The following PDE10A variants were observed in gnomAD, a reference collection of about 807,000 sequenced individuals.
PDE10A encodes cAMP and cAMP-inhibited cGMP 3',5'-cyclic phosphodiesterase 10A.
A neutral mutation model predicts 97.7 loss-of-function variants in PDE10A; 39 were observed. That is an observed-to-expected ratio of 0.40 (90% CI 0.31 to 0.52). PDE10A has a LOEUF of 0.52. Among genes scored for constraint, PDE10A ranks in the 20% least tolerant of loss-of-function variants. PDE10A has a pLI of 0.56. For missense variants in PDE10A, 731 were observed against 1,047.8 expected (o/e 0.70, Z 4.17); for synonymous variants, 371 against 376.8 (o/e 0.98, Z 0.18).
intron 1 of PDE10A, among the ~76,000 whole-genome samples, chr6:165,611,057 AAT>A (rs1175285016): frequency 1.3e-5 from 2 of 151,686 alleles, no homozygotes; most frequent in South Asian, 2.1e-4. Flanking sequence ...TCTCTCTCAA[AAT>A]AGTGTTTCTT....
intron 18 of PDE10A, among the ~76,000 whole-genome samples, chr6:165,345,659 C>T (rs1782260254): frequency 6.6e-6 from 1 of 152,144 alleles, no homozygotes; most frequent in African/African-American, 2.4e-5. Context: ...AGGAGGAGCC[C>T]AACACAATGC....
At chr6:165,679,504 C>A (rs374475988) in intron 1 of PDE10A, among the ~76,000 whole-genome samples, 3 of 152,164 alleles carry the variant, frequency 2.0e-5, no homozygotes, top group Non-Finnish European at 4.4e-5. Context: ...GGTGTGGCAC[C>A]GCCCCCTCCT....
At chr6:165,773,211 C>G (rs1342993850) in intron 1 of PDE10A, 20 of 152,166 alleles carry the variant, frequency 1.3e-4, no homozygotes, top group Admixed American at 1.3e-3. Flanking sequence ...TGTCATTTCT[C>G]TTGTTTACTT....
intron 1 of PDE10A, among the ~76,000 whole-genome samples, chr6:165,911,984 AATAT>A (rs138188072): frequency 6.8e-6 from 1 of 147,998 alleles, no homozygotes; most frequent in Non-Finnish European, 1.5e-5. Context: ...GGGAAGTCTA[AATAT>A]ATATATATAT....
At position 165,907,181 on chromosome 6, in the gene PDE10A, T is replaced by C. The variant is rs200312640; in HGVS notation, c.-615+80348A>G. Among the ~76,000 whole-genome samples the C allele has an allele frequency of 2.5e-4, 38 of 152,368 alleles. No homozygotes were observed. In the East Asian group the frequency reaches 5.8e-3, roughly 23 times the overall value. ...ATGGTGATGGGGCCAAAACCCTGGC[T>C]GCAAGGCACAAGGCTCCATCGCCCA... is the stretch of plus-strand genomic sequence containing the variant. On this transcript the variant is annotated intron_variant, in intron 1 of 19. Transcript: ENST00000366882.
At chr6:165,821,587 C>T (rs9356394) in intron 1 of PDE10A, among the ~76,000 whole-genome samples, 33,019 of 151,978 alleles carry the variant, frequency 0.22, 3,975 homozygotes, top group Middle Eastern at 0.31. Context: ...TGCGTGATCT[C>T]AGCTCACTAC....
chr6:165,505,817 T>A (rs1328854140), intron 2 of PDE10A, among the ~76,000 whole-genome samples: 1 of 152,222 alleles, frequency 6.6e-6, no homozygotes, highest in South Asian at 2.1e-4. Context: ...TTCACCATGA[T>A]CAGGCTACAG....
intron 1 of PDE10A, among the ~76,000 whole-genome samples, chr6:165,843,670 C>T (rs1780323866): frequency 6.6e-6 from 1 of 152,194 alleles, no homozygotes; most frequent in South Asian, 2.1e-4. Context: ...CCACCTCTTC[C>T]TATCACCACA....
intron 2 of PDE10A, among the ~76,000 whole-genome samples, chr6:165,483,320 A>C (rs909788659): frequency 6.6e-6 from 1 of 152,224 alleles, no homozygotes; most frequent in Non-Finnish European, 1.5e-5. Flanking sequence ...CAGGTATTCA[A>C]ATCAACAGTA....
At chr6:165,877,547 A>G in intron 1 of PDE10A, among the ~76,000 whole-genome samples, 1 of 152,210 alleles carries the variant, frequency 6.6e-6, no homozygotes, top group Middle Eastern at 3.2e-3. Context: ...AGATACACAT[A>G]TATATACAAC....
chr6:165,342,853 G>GGC (rs1782054723), intron 19 of PDE10A, among the ~76,000 whole-genome samples: 1 of 152,180 alleles, frequency 6.6e-6, no homozygotes, highest in Admixed American at 6.5e-5. Context: ...GTCAAGAAAA[G>GGC]GCGTTAATAA....
intron 1 of PDE10A, among the ~76,000 whole-genome samples, chr6:165,767,023 C>G (rs1180437075): frequency 1.3e-5 from 2 of 152,214 alleles, no homozygotes; most frequent in African/African-American, 4.8e-5. Context: ...CTTGACTTCT[C>G]ATTTATACCT....
intron 2 of PDE10A, among the ~76,000 whole-genome samples, chr6:165,494,457 G>GT (rs1192426786): frequency 8.0e-6 from 1 of 124,552 alleles, no homozygotes; most frequent in Admixed American, 7.2e-5. Context: ...AGAAAATGTG[G>GT]GGGGGGGTGT....
chr6:165,891,972 G>T (rs1433978754), intron 1 of PDE10A, among the ~76,000 whole-genome samples: 2 of 149,812 alleles, frequency 1.3e-5, no homozygotes, highest in Non-Finnish European at 3.0e-5. Context: ...TTAATGTGAT[G>T]AAGTTTTGCA....
intron 1 of PDE10A, among the ~76,000 whole-genome samples, chr6:165,572,599 A>C (rs1785100274): frequency 6.6e-6 from 1 of 152,244 alleles, no homozygotes; most frequent in African/African-American, 2.4e-5. Context: ...ACAAAAATGT[A>C]AACATTAAAT....
At chr6:165,603,600 T>A (rs773822902) in intron 1 of PDE10A, among the ~76,000 whole-genome samples, 9 of 152,188 alleles carry the variant, frequency 5.9e-5, no homozygotes, top group Non-Finnish European at 8.8e-5. Flanking sequence ...GTGGCTCAGA[T>A]GAAAGCCCCT....
At chr6:165,588,596 G>A (rs1304875072) in intron 1 of PDE10A, among the ~76,000 whole-genome samples, 2 of 152,038 alleles carry the variant, frequency 1.3e-5, no homozygotes. Context: ...CCTAAAGTTA[G>A]CTTTATGATT....
At chr6:165,656,125 G>A (rs1044779133) in intron 1 of PDE10A, among the ~76,000 whole-genome samples, 5 of 151,716 alleles carry the variant, frequency 3.3e-5, no homozygotes, top group African/African-American at 4.8e-5. Context: ...AAGCAGAGAC[G>A]ATCCCTACTA....
At chr6:165,739,271 T>C (rs1372265725) in intron 1 of PDE10A, among the ~76,000 whole-genome samples, 2 of 152,206 alleles carry the variant, frequency 1.3e-5, no homozygotes, top group Admixed American at 6.5e-5. Flanking sequence ...AAAAGTATGG[T>C]ACTGGCATAA....
Sources: allele counts gnomAD v4.1 joint callset (sites outside exome capture counted in the v4.1 genomes callset), GRCh38; gene constraint gnomAD v4.1.1; transcripts MANE v1.5; gene names NCBI Gene and HGNC (gene_info 2026-07-23, HGNC 2026-07-21).